Variants in PTPRN2 observed in about 807,000 individuals in gnomAD.
The protein encoded by PTPRN2 is protein tyrosine phosphatase receptor type N2.
Under a neutral mutation model 118.8 loss-of-function variants are expected in PTPRN2, and 74 were observed. The ratio of observed to expected loss-of-function variants is 0.62; its 90% CI spans 0.52 to 0.76. The LOEUF is 0.76. PTPRN2 is among the 30% of genes least tolerant of loss of function. The pLI is 0.00. For synonymous variants in PTPRN2, 641 were observed against 608.0 expected (o/e 1.05, Z -0.80); for missense variants, 1,481 against 1,394.4 (o/e 1.06, Z -0.99).
intron 9 of PTPRN2, among the ~76,000 whole-genome samples, chr7:158,122,540 A>G (rs900168657): frequency 2.6e-5 from 4 of 152,200 alleles, no homozygotes; most frequent in African/African-American, 9.6e-5. Flanking sequence ...CAGACTAGTG[A>G]AAAGTACGTA....
chr7:157,805,036 A>G (rs559624906), intron 12 of PTPRN2, among the ~76,000 whole-genome samples: 1 of 152,288 alleles, frequency 6.6e-6, no homozygotes, highest in Non-Finnish European at 1.5e-5. Flanking sequence ...CGCTCTGCAC[A>G]CTAGACTCAG....
intron 12 of PTPRN2, among the ~76,000 whole-genome samples, chr7:157,788,161 G>T (rs1804193903): frequency 6.6e-6 from 1 of 152,150 alleles, no homozygotes. Flanking sequence ...GGATCACGAG[G>T]TCAGGAGATC....
chr7:158,299,347 G>C (rs1800714971), intron 3 of PTPRN2, among the ~76,000 whole-genome samples: 1 of 151,396 alleles, frequency 6.6e-6, no homozygotes, highest in South Asian at 2.1e-4. Flanking sequence ...GCCCAGGCTG[G>C]AGTGCAATGG....
At chr7:158,091,286 T>C (rs1814101324) in intron 10 of PTPRN2, among the ~76,000 whole-genome samples, 1 of 152,228 alleles carries the variant, frequency 6.6e-6, no homozygotes, top group African/African-American at 2.4e-5. Flanking sequence ...TTCCCTTGAC[T>C]TTTTGTGGAT....
chr7:158,137,086 T>G (rs1818893294), intron 7 of PTPRN2, among the ~76,000 whole-genome samples: 1 of 152,284 alleles, frequency 6.6e-6, no homozygotes. Context: ...CAGAATCCAC[T>G]GACTTAGGTT....
At chr7:158,415,647 G>C (rs1442081262) in intron 2 of PTPRN2, among the ~76,000 whole-genome samples, 4 of 152,128 alleles carry the variant, frequency 2.6e-5, no homozygotes, top group Non-Finnish European at 5.9e-5. Context: ...TTATTGTTGA[G>C]GACTTGTCCC....
chr7:157,871,476 G>A (rs997079415), intron 12 of PTPRN2, among the ~76,000 whole-genome samples: 1 of 152,092 alleles, frequency 6.6e-6, no homozygotes, highest in Non-Finnish European at 1.5e-5. Context: ...TGGACTCAAG[G>A]TCGCGTTCAT....
At chr7:158,128,407 T>G (rs909322223) in intron 9 of PTPRN2, among the ~76,000 whole-genome samples, 1 of 151,786 alleles carries the variant, frequency 6.6e-6, no homozygotes, top group Non-Finnish European at 1.5e-5. Context: ...CAAGATAACA[T>G]GATGATTTTT....
chr7:157,765,366 A>G (rs1289676361), intron 12 of PTPRN2, among the ~76,000 whole-genome samples: 1 of 144,872 alleles, frequency 6.9e-6, no homozygotes, highest in African/African-American at 2.6e-5. Context: ...TCACCCATCC[A>G]TCATCCACTC....
At chr7:158,062,701 G>C (rs1031968299) in intron 11 of PTPRN2, among the ~76,000 whole-genome samples, 3 of 152,206 alleles carry the variant, frequency 2.0e-5, no homozygotes, top group African/African-American at 7.2e-5. Flanking sequence ...AGGCAGTGAG[G>C]GGCTTAGCAC....
At chr7:158,109,819 T>C (rs1043511927) in intron 10 of PTPRN2, among the ~76,000 whole-genome samples, 5 of 150,262 alleles carry the variant, frequency 3.3e-5, no homozygotes, top group South Asian at 2.1e-4. Context: ...AGTGAGTGAA[T>C]GATGTCACCC....
chr7:158,552,076 C>T (rs1586926864), intron 1 of PTPRN2, among the ~76,000 whole-genome samples: 1 of 52,638 alleles, frequency 1.9e-5, no homozygotes, highest in Non-Finnish European at 4.7e-5. Flanking sequence ...TGCCTCCTAA[C>T]CCATTACATC....
chr7:158,380,970 C>T (rs536846313), intron 2 of PTPRN2, among the ~76,000 whole-genome samples: 9 of 152,378 alleles, frequency 5.9e-5, no homozygotes, highest in African/African-American at 2.2e-4. Context: ...TCATTTCAGC[C>T]ACAACTGGAG....
chr7:157,543,686 G>T (rs908951945), intron 22 of PTPRN2, among the ~76,000 whole-genome samples: 2 of 152,262 alleles, frequency 1.3e-5, no homozygotes, highest in African/African-American at 4.8e-5. Context: ...GTACAAATAG[G>T]AACCTTAAAG....
intron 2 of PTPRN2, among the ~76,000 whole-genome samples, chr7:158,344,755 A>G (rs1016894469): frequency 3.3e-5 from 5 of 152,302 alleles, no homozygotes. Context: ...TGCAATGTGC[A>G]GGAACAGACC....
intron 2 of PTPRN2, among the ~76,000 whole-genome samples, chr7:158,338,305 C>A (rs1395551801): frequency 1.5e-5 from 1 of 64,764 alleles, no homozygotes; most frequent in Non-Finnish European, 3.0e-5. Flanking sequence ...CACTCACACC[C>A]ACACTGTCAC....
At chr7:158,118,930 T>A (rs577420366) in intron 9 of PTPRN2, among the ~76,000 whole-genome samples, 1 of 152,314 alleles carries the variant, frequency 6.6e-6, no homozygotes, top group Admixed American at 6.5e-5. Flanking sequence ...CTCAAGCTCC[T>A]GGGCTCAAGA....
intron 14 of PTPRN2, among the ~76,000 whole-genome samples, chr7:157,648,336 T>C (rs1286594487): frequency 1.3e-4 from 6 of 46,962 alleles, no homozygotes; most frequent in Admixed American, 2.4e-4. Flanking sequence ...TCGGACCCAT[T>C]CACTGTGCAC....
chr7:158,113,873 G>A (rs770309859), intron 9 of PTPRN2, among the ~76,000 whole-genome samples: 22 of 152,136 alleles, frequency 1.4e-4, no homozygotes, highest in Non-Finnish European at 2.8e-4. Flanking sequence ...GGCACAGGCC[G>A]CCTTCCACTC....
Sources: gnomAD v4.1 joint callset for allele counts (sites outside exome capture counted in the v4.1 genomes callset) on GRCh38, gnomAD v4.1.1 for gene constraint, MANE v1.5 for transcripts, NCBI Gene and HGNC (gene_info 2026-07-23, HGNC 2026-07-21) for gene names.